RANBP17: variants seen among roughly 807,000 people sequenced by gnomAD.
The protein encoded by RANBP17 is RAN binding protein 17, also known as ran-binding protein 17.
Under a neutral mutation model 141.2 loss-of-function variants are expected in RANBP17, and 158 were observed. That is an observed-to-expected ratio of 1.12 (90% CI 0.98 to 1.28). RANBP17 has a LOEUF of 1.28. Ranked by LOEUF, RANBP17 falls within the 50% of genes most tolerant of loss-of-function variation. RANBP17 has a pLI of 0.00. For missense variants in RANBP17, 1,438 were observed against 1,290.7 expected, an observed-to-expected ratio of 1.11 and a Z score of -1.75; for synonymous variants, 430 against 450.0, an observed-to-expected ratio of 0.96 and a Z score of 0.56.
chr5:171,131,377 A>C (rs899926629), intron 14 of RANBP17, among the ~76,000 whole-genome samples: 2 of 152,242 alleles, frequency 1.3e-5, no homozygotes, highest in Non-Finnish European at 2.9e-5. Context: ...GAATAATGTT[A>C]ATTTACCTAG....
At chr5:171,205,863 A>C in intron 20 of RANBP17, 2 of 545,256 alleles carry the variant, frequency 3.7e-6, no homozygotes, top group Non-Finnish European at 6.8e-6. Flanking sequence ...CTTCCCCCAA[A>C]TGATTGTTTA....
chr5:170,967,916 T>G (rs1472094839), intron 13 of RANBP17, among the ~76,000 whole-genome samples: 1 of 151,662 alleles, frequency 6.6e-6, no homozygotes, highest in Non-Finnish European at 1.5e-5. Context: ...AAATTTTTAC[T>G]GTAGTATAGG....
intron 14 of RANBP17, among the ~76,000 whole-genome samples, chr5:171,114,607 G>A (rs573161853): frequency 6.6e-6 from 1 of 151,060 alleles, no homozygotes; most frequent in Non-Finnish European, 1.5e-5. Context: ...GGAATATTCT[G>A]TTTTCTTTCT....
At chr5:170,980,213 G>T (rs1380031451) in intron 14 of RANBP17, among the ~76,000 whole-genome samples, 1 of 152,220 alleles carries the variant, frequency 6.6e-6, no homozygotes, top group Admixed American at 6.5e-5. Context: ...CTTGGGTGCT[G>T]TTAAAGGCAT....
intron 14 of RANBP17, among the ~76,000 whole-genome samples, chr5:170,980,640 G>A (rs1325699546): frequency 6.6e-6 from 1 of 152,232 alleles, no homozygotes; most frequent in Non-Finnish European, 1.5e-5. Flanking sequence ...CAAATGCACA[G>A]AAGTCAAGAA....
At chr5:171,090,399 A>G (rs551512317) in intron 14 of RANBP17, among the ~76,000 whole-genome samples, 31 of 152,348 alleles carry the variant, frequency 2.0e-4, no homozygotes, top group African/African-American at 7.0e-4. Context: ...CTAAACAGCA[A>G]AGCATTCAAG....
intron 1 of RANBP17, 67 bp downstream of exon 1, chr5:170,862,118 G>A: frequency 7.2e-7 from 1 of 1,387,282 alleles, no homozygotes. Context: ...CGCGTCTGGA[G>A]ACCGAGGGCC....
chr5:170,897,209 A>G lies in RANBP17; in HGVS notation c.489+1094A>G, dbSNP rs1405168692. ...CGGAAATAATTGGGCTGTGGATCACAAAGTTTTTGGCAGTCTGTATCAAGA... is the reference window on the plus strand; with the variant it reads ...CGGAAATAATTGGGCTGTGGATCACGAAGTTTTTGGCAGTCTGTATCAAGA... On this transcript the variant is annotated intron_variant, in intron 5 of 27. Coordinates refer to ENST00000523189, the MANE Select transcript of RANBP17 (RefSeq NM_022897.5). The G allele has an allele frequency of 4.3e-6, 3 of 693,842 alleles. No homozygotes were observed. In the Admixed American group the frequency reaches 5.4e-5, roughly 13 times the overall value. 43.0% of individuals were successfully genotyped at this position (693,842 alleles called of 1,614,324 possible).
At chr5:171,090,940 G>A (rs371547987) in intron 14 of RANBP17, among the ~76,000 whole-genome samples, 27 of 152,296 alleles carry the variant, frequency 1.8e-4, no homozygotes, top group African/African-American at 5.5e-4. Context: ...CTGCAGGGGC[G>A]AGGCCCTCAT....
chr5:170,947,456 T>G (rs1315215211), intron 12 of RANBP17, among the ~76,000 whole-genome samples: 1 of 152,126 alleles, frequency 6.6e-6, no homozygotes, highest in African/African-American at 2.4e-5. Flanking sequence ...AAATGTTAAG[T>G]GCTAAGATTT....
chr5:170,965,473 C>A (rs1210663770), intron 13 of RANBP17, among the ~76,000 whole-genome samples: 3 of 152,136 alleles, frequency 2.0e-5, no homozygotes, highest in African/African-American at 7.2e-5. Context: ...AGTCCTTGCC[C>A]ATGCCTATGT....
chr5:171,086,499 CCT>C (rs1454553165), intron 14 of RANBP17, among the ~76,000 whole-genome samples: 1 of 136,388 alleles, frequency 7.3e-6, no homozygotes, highest in Non-Finnish European at 1.6e-5. Context: ...GGGAGGATTC[CCT>C]CTTTTTCTAT....
At chr5:171,265,901 C>A in intron 25 of RANBP17, 54 bp downstream of exon 25, 1 of 1,527,756 alleles carries the variant, frequency 6.5e-7, no homozygotes, top group Non-Finnish European at 8.9e-7. Context: ...AGAAGCCATA[C>A]CTGGCCCCGA....
intron 14 of RANBP17, among the ~76,000 whole-genome samples, chr5:171,058,602 A>T (rs1783578832): frequency 6.6e-6 from 1 of 150,982 alleles, no homozygotes; most frequent in Non-Finnish European, 1.5e-5. Context: ...TGCTATTTTG[A>T]ATAGTGCCAC....
Position 171,063,337 on chromosome 5 carries a change from T to G in RANBP17, c.1710+94960T>G, listed in dbSNP as rs184866923. Reference sequence around the variant, plus strand: ...TGATGGTAATGTACAGATGGGTTTTTGGTGTGGATGTCCTTTCTGTTTGTT... The same window carrying G: ...TGATGGTAATGTACAGATGGGTTTTGGGTGTGGATGTCCTTTCTGTTTGTT... On this transcript the variant is annotated intron_variant, in intron 14 of 27. Transcript: ENST00000523189. Among the ~76,000 whole-genome samples, 739 of 152,324 alleles carry G rather than the reference T, an allele frequency of 4.9e-3. 5 individuals are homozygous for G. The highest frequency in any genetic ancestry group is 0.016 in the African/African-American group (660 of 41,566).
At chr5:170,899,960 T>G (rs1245108384) in intron 5 of RANBP17, among the ~76,000 whole-genome samples, 1 of 152,212 alleles carries the variant, frequency 6.6e-6, no homozygotes, top group Non-Finnish European at 1.5e-5. Context: ...TCATCAGGTT[T>G]AATGGCCTGA....
chr5:171,033,213 T>C (rs1380498320), intron 14 of RANBP17, among the ~76,000 whole-genome samples: 2 of 152,120 alleles, frequency 1.3e-5, no homozygotes, highest in Non-Finnish European at 2.9e-5. Flanking sequence ...CTTTAAACTT[T>C]AGGCTATTTT....
At chr5:171,088,791 C>T (rs1476850974) in intron 14 of RANBP17, among the ~76,000 whole-genome samples, 13 of 152,242 alleles carry the variant, frequency 8.5e-5, no homozygotes, top group East Asian at 1.9e-4. Flanking sequence ...ACGTAGTTCT[C>T]GAGCCTTGGT....
intron 2 of RANBP17, among the ~76,000 whole-genome samples, chr5:170,879,830 A>T (rs983239348): frequency 6.6e-6 from 1 of 152,164 alleles, no homozygotes; most frequent in Non-Finnish European, 1.5e-5. Flanking sequence ...TCCAACACAG[A>T]ATATTCAGAT....
Sources: allele counts gnomAD v4.1 joint callset (sites outside exome capture counted in the v4.1 genomes callset), GRCh38; gene constraint gnomAD v4.1.1; transcripts MANE v1.5; gene names NCBI Gene and HGNC (gene_info 2026-07-23, HGNC 2026-07-21).